GHR: variants seen among roughly 807,000 people sequenced by gnomAD.
GHR encodes GH receptor.
GHR carries 35 observed loss-of-function variants against 67.1 expected under a neutral mutation model. The observed-to-expected ratio is 0.52, with a 90% CI of 0.40 to 0.69. GHR has a LOEUF of 0.69. Ranked by LOEUF, GHR falls within the 30% of genes least tolerant of loss-of-function variation. The pLI is 0.00. For missense variants in GHR, 792 were observed against 764.6 expected (o/e 1.04, Z -0.42); for synonymous variants, 272 against 269.1 (o/e 1.01, Z -0.10).
At chr5:42,542,501 C>A (rs895845912) in intron 1 of GHR, among the ~76,000 whole-genome samples, 2 of 152,170 alleles carry the variant, frequency 1.3e-5, no homozygotes, top group Non-Finnish European at 2.9e-5. Context: ...GGGTCAGTAA[C>A]TTCATGAGCA....
At chr5:42,527,270 G>A (rs971051033) in intron 1 of GHR, among the ~76,000 whole-genome samples, 4 of 152,066 alleles carry the variant, frequency 2.6e-5, no homozygotes, top group African/African-American at 9.7e-5. Context: ...CACTTAAAAG[G>A]CACAGAGTGG....
intron 2 of GHR, among the ~76,000 whole-genome samples, chr5:42,602,060 G>A (rs753819798): frequency 6.6e-6 from 1 of 151,816 alleles, no homozygotes; most frequent in African/African-American, 2.4e-5. Context: ...TATTGTTTTA[G>A]TTTTTGTTGC....
chr5:42,560,154 C>T (rs1161847360), intron 1 of GHR, among the ~76,000 whole-genome samples: 4 of 152,250 alleles, frequency 2.6e-5, no homozygotes, highest in Non-Finnish European at 5.9e-5. Context: ...TGCAAAATTA[C>T]AAACCAGATA....
intron 1 of GHR, chr5:42,465,657 T>C: frequency 1.1e-6 from 1 of 879,120 alleles, no homozygotes; most frequent in East Asian, 2.4e-5. Context: ...TGAGATCTGC[T>C]ACCTCCACGT....
intron 1 of GHR, among the ~76,000 whole-genome samples, chr5:42,482,141 G>A (rs1561067249): frequency 6.6e-6 from 1 of 152,224 alleles, no homozygotes; most frequent in African/African-American, 2.4e-5. Context: ...TTTGCTAGAC[G>A]TCCACTCCAG....
intron 1 of GHR, among the ~76,000 whole-genome samples, chr5:42,450,475 C>T (rs1282985277): frequency 1.3e-5 from 2 of 152,028 alleles, no homozygotes; most frequent in Admixed American, 1.3e-4. Context: ...TGCAATATCT[C>T]GTTTCATTTC....
chr5:42,660,007 T>C (rs1755492019), intron 3 of GHR, among the ~76,000 whole-genome samples: 1 of 152,080 alleles, frequency 6.6e-6, no homozygotes, highest in East Asian at 1.9e-4. Flanking sequence ...CGCTGATTGC[T>C]AGCACAGCAG....
chr5:42,543,322 T>C (rs1037011307), intron 1 of GHR, among the ~76,000 whole-genome samples: 2 of 152,132 alleles, frequency 1.3e-5, no homozygotes, highest in Non-Finnish European at 1.5e-5. Context: ...GATTTTTTTG[T>C]TTTTGTCTTT....
At chr5:42,650,108 A>G (rs1010234259) in intron 3 of GHR, among the ~76,000 whole-genome samples, 9 of 152,168 alleles carry the variant, frequency 5.9e-5, no homozygotes, top group Non-Finnish European at 7.3e-5. Flanking sequence ...GGTGACGGGA[A>G]CTGTCAAGAA....
chr5:42,519,677 C>T (rs1267552716), intron 1 of GHR, among the ~76,000 whole-genome samples: 1 of 152,154 alleles, frequency 6.6e-6, no homozygotes, highest in African/African-American at 2.4e-5. Context: ...TTGGCATTGA[C>T]CCCTTATCTA....
At chr5:42,615,161 T>C (rs911970665) in intron 2 of GHR, among the ~76,000 whole-genome samples, 1 of 151,926 alleles carries the variant, frequency 6.6e-6, no homozygotes, top group African/African-American at 2.4e-5. Context: ...AATTTAAACA[T>C]GGACTGTTAA....
chr5:42,457,839 T>TA lies in GHR; in HGVS notation c.-12+33889dup, dbSNP rs555827533. ...TTTCCTATTCTTACCCCCTGCAAAG[T>TA]AAAAAGTTCAAAATAGCGTTAGTAA... On this transcript the variant is annotated intron_variant, in intron 1 of 9. Coordinates refer to ENST00000230882, the MANE Select transcript of GHR (RefSeq NM_000163.5). Among the ~76,000 whole-genome samples, 25 of 152,254 alleles carry TA rather than the reference T, an allele frequency of 1.6e-4. 1 individual carries two copies. In the South Asian group the frequency reaches 5.0e-3, roughly 30 times the overall value.
intron 1 of GHR, among the ~76,000 whole-genome samples, chr5:42,448,098 G>A (rs1004132217): frequency 3.8e-4 from 57 of 151,994 alleles, no homozygotes; most frequent in South Asian, 2.1e-4. Context: ...CTTTTCCTTC[G>A]AGTAGATACC....
chr5:42,482,637 T>C (rs1745699545), intron 1 of GHR, among the ~76,000 whole-genome samples: 1 of 152,084 alleles, frequency 6.6e-6, no homozygotes, highest in Non-Finnish European at 1.5e-5. Flanking sequence ...TAGACTGCTG[T>C]GCTAGCAATG....
chr5:42,650,575 T>A (rs1186631387), intron 3 of GHR, among the ~76,000 whole-genome samples: 5 of 64,070 alleles, frequency 7.8e-5, no homozygotes, highest in African/African-American at 2.8e-4. Context: ...CTTTTACAGA[T>A]AACATATATA....
chr5:42,445,368 G>C (rs1041745637), intron 1 of GHR, among the ~76,000 whole-genome samples: 2 of 152,118 alleles, frequency 1.3e-5, no homozygotes, highest in Non-Finnish European at 2.9e-5. Flanking sequence ...AATCAATCAC[G>C]AGTCAGATTT....
intron 1 of GHR, among the ~76,000 whole-genome samples, chr5:42,469,252 G>A (rs1744890723): frequency 1.3e-5 from 2 of 152,236 alleles, no homozygotes; most frequent in Non-Finnish European, 2.9e-5. Flanking sequence ...CTAATGGGAA[G>A]TGAGAAAAGT....
chr5:42,451,523 C>G (rs538868232), intron 1 of GHR, among the ~76,000 whole-genome samples: 1 of 151,900 alleles, frequency 6.6e-6, no homozygotes, highest in South Asian at 2.1e-4. Flanking sequence ...GGGCAGATCA[C>G]AAGGTCAGGA....
At chr5:42,607,549 A>G (rs1315089874) in intron 2 of GHR, among the ~76,000 whole-genome samples, 2 of 152,238 alleles carry the variant, frequency 1.3e-5, no homozygotes, top group East Asian at 3.8e-4. Context: ...AAACTGACAC[A>G]AAATAACAGC....
Sources: allele counts gnomAD v4.1 joint callset (sites outside exome capture counted in the v4.1 genomes callset), GRCh38; gene constraint gnomAD v4.1.1; transcripts MANE v1.5; gene names NCBI Gene and HGNC (gene_info 2026-07-23, HGNC 2026-07-21).